Variants in ERVMER34-1 observed in about 807,000 individuals in gnomAD.
ERVMER34-1 encodes endogenous retrovirus group MER34 member 1, envelope.
For missense variants in ERVMER34-1, 471 were observed against 295.1 expected (o/e 1.60, Z -4.37); for synonymous variants, 199 against 111.7 (o/e 1.78, Z -4.93).
Position 52,744,233 on chromosome 4 carries a change from T to C in ERVMER34-1, c.1288A>G (p.Thr430Ala). Residue 430 changes from threonine to alanine, a missense_variant, in exon 3 of 3, where the codon ACC becomes GCC. Transcript: ENST00000443173. ...CCACAAGCCGTTTGTCGTTGGGTGG[T>C]CGGTATATCCAAGACATGATCCTTT... is the stretch of plus-strand genomic sequence containing the variant. ...SRKDHVLDIP[T>A]TQRQTACGTV... 1.4e-6 allele frequency: 1 copy of C among 704,130 alleles called. No individual in the cohort carries two copies. The allele number at this position is 704,130 out of a possible 1,614,324, so 43.6% of individuals were successfully genotyped here.
Position 52,745,636 on chromosome 4 carries a change from G to A in ERVMER34-1, c.-116C>T. On this transcript the variant is annotated 5_prime_UTR_variant, in exon 3 of 3. Transcript: ENST00000443173. ...AGAATTTTCCAGGTTGAGGAGGGAA[G>A]ATGTTTCAGCTAGTTGGAGATGGAG... 1 of 619,976 alleles carries A rather than the reference G, an allele frequency of 1.6e-6. No individual in the cohort carries two copies. The highest frequency in any genetic ancestry group is 2.9e-6 in the Non-Finnish European group (1 of 347,996). 38.4% of individuals were successfully genotyped at this position (619,976 alleles called of 1,614,324 possible).
In ERVMER34-1 at chr4:52,744,621, CAAAA is replaced by C. The variant is rs779855268; in HGVS notation, c.896_899del (p.Phe299CysfsTer33). On this transcript the variant is annotated frameshift_variant, in exon 3 of 3. Coordinates refer to ENST00000443173, the MANE Select transcript of ERVMER34-1 (RefSeq NM_001242690.2). LOFTEE classifies it low-confidence loss of function (END_TRUNC). ...ACCCTTTGTACACCCCATTGCCGCA[CAAAA>C]AAAAGAGGCCAGAGTTGTTCACAGA... 4.3e-6 allele frequency: 3 copies of C among 703,472 alleles called. No individual in the cohort carries two copies. In the Admixed American group the frequency reaches 6.0e-5, roughly 14 times the overall value. The allele number at this position is 703,472 out of a possible 1,614,324, so 43.6% of individuals were successfully genotyped here.
Position 52,743,921 on chromosome 4 carries a change from C to T in ERVMER34-1, c.1600G>A (p.Ala534Thr). The change falls in exon 3 of 3, where the codon GCA (alanine) becomes ACA (threonine). Residue 534 changes from alanine (A) to threonine (T), a missense_variant. Coordinates refer to ENST00000443173, the MANE Select transcript of ERVMER34-1 (RefSeq NM_001242690.2). ...LNLALSPQQS[A>T]QLLVSETSCQ... ...GAAGTTTCACTGACAAGGAGCTGTG[C>T]TGATTGCTGTGGAGATAAGGCTAGG... 1 of 1,357,894 alleles carries T rather than the reference C, an allele frequency of 7.4e-7. No homozygotes were observed. The highest frequency in any genetic ancestry group is 2.5e-5 in the East Asian group (1 of 40,094). 84.1% of individuals were successfully genotyped at this position (1,357,894 alleles called of 1,614,324 possible).
At chr4:52,748,888 C>G (rs1334727722) in intron 2 of ERVMER34-1, among the ~76,000 whole-genome samples, 1 of 151,926 alleles carries the variant, frequency 6.6e-6, no homozygotes, top group African/African-American at 2.4e-5. Flanking sequence ...CAGGGTCTCA[C>G]TCTGTTGCCC....
At chr4:52,749,714 AGGAG>A (rs1716238810) in intron 2 of ERVMER34-1, among the ~76,000 whole-genome samples, 2 of 152,124 alleles carry the variant, frequency 1.3e-5, no homozygotes, top group Non-Finnish European at 2.9e-5. Flanking sequence ...ACTTGAACCC[AGGAG>A]GTGGAGGTTG....
Position 52,744,972 on chromosome 4 carries a change from T to C in ERVMER34-1, c.549A>G (p.Gln183=), listed in dbSNP as rs1261365414. ...TTGTGCAACCTGCAAACCAGGAACATTGTCTAGTGCCTAGGCAAACACTTG... is the reference window on the plus strand; with the variant it reads ...TTGTGCAACCTGCAAACCAGGAACACTGTCTAGTGCCTAGGCAAACACTTG... ...DDTSVCLGTR[Q]CSWFAGCTNR... is the part of the protein sequence containing the mutation. Residue 183 remains glutamine (Q), a synonymous_variant, in exon 3 of 3, where the codon CAA becomes CAG. Transcript: ENST00000443173. The C allele has an allele frequency of 1.4e-6, 1 of 704,170 alleles. No individual in the cohort carries two copies. The allele number at this position is 704,170 out of a possible 1,614,324, so 43.6% of individuals were successfully genotyped here.
rs1280138258 is a variant in ERVMER34-1, at chr4:52,744,638, A to T, written c.883T>A (p.Ser295Thr). The change falls in exon 3 of 3, where the codon TCT becomes ACT. Residue 295 changes from serine (S) to threonine (T), a missense_variant. Transcript: ENST00000443173. ...GSNLTLSVNNSGLFFLCGNGV... is the reference protein window; with the variant it reads ...GSNLTLSVNNTGLFFLCGNGV... ...TTGCCGCACAAAAAAAAGAGGCCAGAGTTGTTCACAGACAAGGTCAGATTG... is the reference window on the plus strand; with the variant it reads ...TTGCCGCACAAAAAAAAGAGGCCAGTGTTGTTCACAGACAAGGTCAGATTG... The T allele has an allele frequency of 1.4e-6, 1 of 704,112 alleles. No individual in the cohort carries two copies. The highest frequency in any genetic ancestry group is 2.6e-6 in the Non-Finnish European group (1 of 385,006). The allele number at this position is 704,112 out of a possible 1,614,324, so 43.6% of individuals were successfully genotyped here. A position where few individuals can be genotyped will look rare whatever the true frequency, so the allele number is the denominator to read the frequency against.
chr4:52,744,142 C>T lies in ERVMER34-1; in HGVS notation c.1379G>A (p.Arg460His), dbSNP rs752984212. Residue 460 changes from arginine to histidine, a missense_variant, in exon 3 of 3, where the codon CGT becomes CAT. Coordinates refer to ENST00000443173, the MANE Select transcript of ERVMER34-1 (RefSeq NM_001242690.2). ...YSEEIKSNIQ[R>H]LHEASENLKN... Reference sequence around the variant, plus strand: ...CAGGTTCTCGGATGCTTCGTGGAGACGCTGTATATTAGACTTTATTTCTTC... The same window carrying T: ...CAGGTTCTCGGATGCTTCGTGGAGATGCTGTATATTAGACTTTATTTCTTC... 9.4e-5 allele frequency: 66 copies of T among 704,088 alleles called. 2 individuals carry two copies. The highest frequency in any genetic ancestry group is 5.0e-4 in the South Asian group (34 of 67,596). 43.6% of individuals were successfully genotyped at this position (704,088 alleles called of 1,614,324 possible).
chr4:52,750,930 C>T lies in ERVMER34-1; in HGVS notation c.-424G>A, dbSNP rs909904127. The stretch of plus-strand genomic sequence containing the variant: ...CTCCCGCTCAAGGGTAGGAACATAC[C>T]TGCGCTTAAAACTGAGGCTGCCGCA... On this transcript the variant is annotated splice_region_variant and 5_prime_UTR_variant, in exon 2 of 3. Transcript: ENST00000443173. 2 of 152,204 alleles carry T rather than the reference C, an allele frequency of 1.3e-5. No homozygotes were observed. The highest frequency in any genetic ancestry group is 1.3e-4 in the Admixed American group (2 of 15,276). 9.4% of individuals were successfully genotyped at this position (152,204 alleles called of 1,614,324 possible).
Position 52,744,298 on chromosome 4 carries a change from G to A in ERVMER34-1, c.1223C>T (p.Ala408Val). The stretch of plus-strand genomic sequence containing the variant: ...TAAACTGCTAACTTTTGATTGGTGT[G>A]CTTCCAAGGTCTGCTTAGTGGCACT... Reference protein sequence around the residue: ...EFSATKQTLEAHQSKVSSLAS... With the variant: ...EFSATKQTLEVHQSKVSSLAS... Residue 408 changes from alanine to valine, a missense_variant, in exon 3 of 3, where the codon GCA (alanine) becomes GTA (valine). By Grantham distance (64) the Ala-to-Val change is moderately conservative. Transcript: ENST00000443173. 4.3e-6 allele frequency: 3 copies of A among 704,150 alleles called. No homozygotes were observed. Among genetic ancestry groups the A allele is most frequent in the Non-Finnish European group, 2.6e-6 (1 of 385,014 alleles). The allele number at this position is 704,150 out of a possible 1,614,324, so 43.6% of individuals were successfully genotyped here.
chr4:52,746,991 G>A (rs1010121356), intron 2 of ERVMER34-1, among the ~76,000 whole-genome samples: 7 of 151,856 alleles, frequency 4.6e-5, no homozygotes, highest in African/African-American at 7.3e-5. Flanking sequence ...CACTTTGGGA[G>A]GCTGAGACGG....
rs749050792 is a variant in ERVMER34-1, at chr4:52,744,126, G to A, written c.1395C>T (p.Ser465=). The change falls in exon 3 of 3, where the codon TCC becomes TCT. Residue 465 remains serine, a synonymous_variant. Coordinates refer to ENST00000443173, the MANE Select transcript of ERVMER34-1 (RefSeq NM_001242690.2). ...GTAACGGTACATTCTTCAGGTTCTCGGATGCTTCGTGGAGACGCTGTATAT... is the reference window on the plus strand; with the variant it reads ...GTAACGGTACATTCTTCAGGTTCTCAGATGCTTCGTGGAGACGCTGTATAT... The part of the protein sequence containing the change: ...KSNIQRLHEA[S]ENLKNVPLLD... 1.3e-5 allele frequency: 9 copies of A among 703,908 alleles called. No individual in the cohort carries two copies. Among genetic ancestry groups the A allele is most frequent in the South Asian group, 4.4e-5 (3 of 67,576 alleles). The allele number at this position is 703,908 out of a possible 1,614,324, so 43.6% of individuals were successfully genotyped here. A position where few individuals can be genotyped will look rare whatever the true frequency, so the allele number is the denominator to read the frequency against.
In ERVMER34-1 at chr4:52,744,213, A is replaced by G. The variant is rs1716085214; in HGVS notation, c.1308T>C (p.Ala436=). The change falls in exon 3 of 3, where the codon GCT becomes GCC. Residue 436 remains alanine, a synonymous_variant. Transcript: ENST00000443173. ...LDIPTTQRQT[A]CGTVGKQCCL... ...AACACTGTTTGCCAACAGTTCCACA[A>G]GCCGTTTGTCGTTGGGTGGTCGGTA... The G allele has an allele frequency of 1.4e-6, 1 of 704,174 alleles. No homozygotes were observed. Among genetic ancestry groups the G allele is most frequent in the Non-Finnish European group, 2.6e-6 (1 of 385,010 alleles). The allele number at this position is 704,174 out of a possible 1,614,324, so 43.6% of individuals were successfully genotyped here.
chr4:52,746,970 T>G (rs548126748), intron 2 of ERVMER34-1, among the ~76,000 whole-genome samples: 2 of 152,256 alleles, frequency 1.3e-5, no homozygotes, highest in South Asian at 4.1e-4. Flanking sequence ...GGGACACACC[T>G]GTAATCCCAG....
At position 52,744,072 on chromosome 4, in the gene ERVMER34-1, C is replaced by T; in HGVS notation, c.1449G>A (p.Val483=). The change falls in exon 3 of 3, where the codon GTG becomes GTA. Residue 483 remains valine (V), a synonymous_variant. Transcript: ENST00000443173. ...AGCCCCATGATCTGAACCAGTCTCC[C>T]ACTTTTGCAAATATGCCTTGCCAAT... ...LLDWQGIFAK[V]GDWFRSWGYV... The T allele has an allele frequency of 1.4e-6, 1 of 704,652 alleles. No individual in the cohort carries two copies. The highest frequency in any genetic ancestry group is 2.6e-6 in the Non-Finnish European group (1 of 385,486). 43.6% of individuals were successfully genotyped at this position (704,652 alleles called of 1,614,324 possible).
Position 52,745,369 on chromosome 4 carries a change from T to C in ERVMER34-1, c.152A>G (p.Asp51Gly), listed in dbSNP as rs1268327715. 5.7e-6 allele frequency: 4 copies of C among 703,982 alleles called. No individual in the cohort carries two copies. Among genetic ancestry groups the C allele is most frequent in the Non-Finnish European group, 1.0e-5 (4 of 385,022 alleles). The allele number at this position is 703,982 out of a possible 1,614,324, so 43.6% of individuals were successfully genotyped here. A position where few individuals can be genotyped will look rare whatever the true frequency, so the allele number is the denominator to read the frequency against. Reference sequence around the variant, plus strand: ...AACTAGTTCGGGTTGTTCTGCATTATCTAGATGTTCACATAACCAGCAATT... The same window carrying C: ...AACTAGTTCGGGTTGTTCTGCATTACCTAGATGTTCACATAACCAGCAATT... ...QSNCWLCEHLDNAEQPELVFV... is the reference protein window; with the variant it reads ...QSNCWLCEHLGNAEQPELVFV... The change falls in exon 3 of 3, where the codon GAT (aspartate) becomes GGT (glycine). Residue 51 changes from aspartate (D) to glycine (G), a missense_variant. Physicochemically the swap from Asp to Gly is moderately conservative, Grantham distance 94. Transcript: ENST00000443173.
chr4:52,745,494 C>T lies in ERVMER34-1; in HGVS notation c.27G>A (p.Leu9=), dbSNP rs1357224159. Residue 9 remains leucine, a synonymous_variant, in exon 3 of 3, where the codon CTG becomes CTA. Transcript: ENST00000443173. MGSLSNYA[L]LQLTLTAFLT... The stretch of plus-strand genomic sequence containing the variant: ...AAAAAGCAGTAAGGGTTAGTTGAAG[C>T]AGGGCATAGTTTGAAAGGGAGCCCA... The T allele has an allele frequency of 4.3e-6, 3 of 704,022 alleles. No homozygotes were observed. Among genetic ancestry groups the T allele is most frequent in the South Asian group, 3.0e-5 (2 of 67,584 alleles). The allele number at this position is 704,022 out of a possible 1,614,324, so 43.6% of individuals were successfully genotyped here.
rs374349149 is a variant in ERVMER34-1, at chr4:52,745,456, A to T, written c.65T>A (p.Val22Glu). ...LTLTAFLTIL[V>E]QPQHLLAPVF... ...TGGAGCAAGCAGGTGCTGAGGTTGT[A>T]CTAGAATTGTCAAAAAAGCAGTAAG... Residue 22 changes from valine (V) to glutamate (E), a missense_variant, in exon 3 of 3, where the codon GTA becomes GAA. Val to Glu is a moderately radical substitution (Grantham distance 121, BLOSUM62 -2). Transcript: ENST00000443173. The T allele has an allele frequency of 1.4e-6, 1 of 704,144 alleles. No homozygotes were observed. Among genetic ancestry groups the T allele is most frequent in the Non-Finnish European group, 2.6e-6 (1 of 384,996 alleles). The allele number at this position is 704,144 out of a possible 1,614,324, so 43.6% of individuals were successfully genotyped here. A position where few individuals can be genotyped will look rare whatever the true frequency, so the allele number is the denominator to read the frequency against.
intron 2 of ERVMER34-1, chr4:52,750,627 G>A (rs1716263144): frequency 6.6e-6 from 1 of 152,206 alleles, no homozygotes. Flanking sequence ...TTAGACATGG[G>A]ACCAAATGGA....
Sources: allele counts gnomAD v4.1 joint callset (sites outside exome capture counted in the v4.1 genomes callset), GRCh38; gene constraint gnomAD v4.1.1; transcripts MANE v1.5; gene names NCBI Gene and HGNC (gene_info 2026-07-23, HGNC 2026-07-21).